The following EYA2 variants were observed in gnomAD, a reference collection of about 807,000 sequenced individuals.
EYA2 encodes protein phosphatase EYA2.
A neutral mutation model predicts 69.2 loss-of-function variants in EYA2; 31 were observed. The observed-to-expected ratio is 0.45, with a 90% CI of 0.34 to 0.60. The LOEUF (loss-of-function observed/expected upper bound fraction) is 0.60. EYA2 is among the 20% of genes least tolerant of loss of function. The pLI is 0.02. For missense variants in EYA2, 622 were observed against 701.2 expected, an observed-to-expected ratio of 0.89 and a Z score of 1.28; for synonymous variants, 257 against 279.4, an observed-to-expected ratio of 0.92 and a Z score of 0.80.
intron 1 of EYA2, among the ~76,000 whole-genome samples, chr20:46,964,903 G>A (rs771414023): frequency 5.3e-5 from 8 of 152,208 alleles, no homozygotes; most frequent in African/African-American, 1.9e-4. Flanking sequence ...GAGTACTCTC[G>A]TGAGGATTTA....
At chr20:46,948,106 T>C (rs1462947649) in intron 1 of EYA2, among the ~76,000 whole-genome samples, 2 of 35,540 alleles carry the variant, frequency 5.6e-5, no homozygotes, top group African/African-American at 1.1e-4. Context: ...TGAGACCTTG[T>C]CTCAAAAAAA....
At chr20:47,185,580 G>T (rs768072250) in intron 15 of EYA2, among the ~76,000 whole-genome samples, 14 of 152,120 alleles carry the variant, frequency 9.2e-5, no homozygotes, top group Non-Finnish European at 1.5e-4. Context: ...GGGATTAGAG[G>T]TGTGAGCCAC....
At position 47,135,833 on chromosome 20, in the gene EYA2, A is replaced by C. The variant is rs1267160055; in HGVS notation, c.889-7226A>C. Among the ~76,000 whole-genome samples, 5 of 82,816 alleles carry C rather than the reference A, an allele frequency of 6.0e-5. 1 individual carries two copies. Among genetic ancestry groups the C allele is most frequent in the Non-Finnish European group, 1.1e-4 (5 of 44,728 alleles). 54.3% of individuals were successfully genotyped at this position (82,816 alleles called of 152,430 possible). ...CCTGTCTCTACAAAAAAAAAAAAAA[A>C]AAAAAAAACAAACAAACAAACAAAA... On this transcript the variant is annotated intron_variant, in intron 9 of 15. Coordinates refer to ENST00000327619, the MANE Select transcript of EYA2 (RefSeq NM_005244.5).
intron 1 of EYA2, among the ~76,000 whole-genome samples, chr20:46,939,172 A>G (rs972829414): frequency 2.6e-5 from 4 of 152,190 alleles, no homozygotes; most frequent in African/African-American, 4.8e-5. Flanking sequence ...TGCCCTGGTG[A>G]CAGCGATTGG....
intron 10 of EYA2, among the ~76,000 whole-genome samples, chr20:47,153,877 C>T (rs1275461327): frequency 6.6e-6 from 1 of 152,020 alleles, no homozygotes; most frequent in African/African-American, 2.4e-5. Context: ...AGGTATTTAA[C>T]TTGGCTGACT....
intron 6 of EYA2, among the ~76,000 whole-genome samples, 194 bp from the exon 7 acceptor site, chr20:47,073,964 C>G (rs1020941280): frequency 6.6e-6 from 1 of 152,106 alleles, no homozygotes; most frequent in Non-Finnish European, 1.5e-5. Context: ...CTGGTGTCTC[C>G]TTCACCTTCC....
intron 1 of EYA2, among the ~76,000 whole-genome samples, chr20:46,911,893 C>G (rs1984661219): frequency 7.3e-6 from 1 of 137,782 alleles, no homozygotes; most frequent in Non-Finnish European, 1.7e-5. Flanking sequence ...TGACTGTAGT[C>G]AACAATATGT....
At chr20:47,032,376 T>G (rs930735222) in intron 5 of EYA2, among the ~76,000 whole-genome samples, 4 of 152,220 alleles carry the variant, frequency 2.6e-5, no homozygotes, top group African/African-American at 9.6e-5. Context: ...TCCACCTGCC[T>G]TCTTACACTG....
chr20:46,967,927 C>T (rs903716165), intron 1 of EYA2, among the ~76,000 whole-genome samples: 1 of 152,172 alleles, frequency 6.6e-6, no homozygotes, highest in Non-Finnish European at 1.5e-5. Flanking sequence ...AACAGAAGCT[C>T]GATCTTATCT....
chr20:47,118,784 A>G (rs2146553922), intron 9 of EYA2, among the ~76,000 whole-genome samples: 1 of 152,284 alleles, frequency 6.6e-6, no homozygotes, highest in Non-Finnish European at 1.5e-5. Context: ...GAGCGAGTTA[A>G]GTCTCCTGAC....
chr20:47,050,486 G>A (rs2030277106), intron 5 of EYA2, among the ~76,000 whole-genome samples: 1 of 152,194 alleles, frequency 6.6e-6, no homozygotes, highest in Non-Finnish European at 1.5e-5. Context: ...GGGGACTTTG[G>A]AAATAATTCA....
rs868591481 is a variant in EYA2, at chr20:47,156,173, T to C, written c.979-12966T>C. 9.5e-4 allele frequency among the ~76,000 whole-genome samples: 77 copies of C among 81,302 alleles called. 4 individuals carry two copies. Among genetic ancestry groups the C allele is most frequent in the Middle Eastern group, 0.011 (2 of 188 alleles). The allele number at this position is 81,302 out of a possible 152,430, so 53.3% of individuals were successfully genotyped here. A position where few individuals can be genotyped will look rare whatever the true frequency, so the allele number is the denominator to read the frequency against. ...ATATATATATATATATATATATATA[T>C]ATATATATATATTAGCCGGGCATGG... is the stretch of plus-strand genomic sequence containing the variant. On this transcript the variant is annotated intron_variant, in intron 10 of 15. Transcript: ENST00000327619.
At chr20:47,162,066 A>C (rs920902454) in intron 10 of EYA2, among the ~76,000 whole-genome samples, 13 of 152,108 alleles carry the variant, frequency 8.5e-5, no homozygotes, top group Admixed American at 8.5e-4. Context: ...GTGGTCTCGG[A>C]TGTCCTCTGA....
chr20:47,036,426 G>T (rs185417550), intron 5 of EYA2, among the ~76,000 whole-genome samples: 2 of 152,304 alleles, frequency 1.3e-5, no homozygotes, highest in East Asian at 3.9e-4. Context: ...AGGAATGGTC[G>T]TTTCCAATCA....
chr20:47,181,566 T>C (rs777366133), intron 14 of EYA2, among the ~76,000 whole-genome samples: 4 of 152,148 alleles, frequency 2.6e-5, no homozygotes, highest in African/African-American at 7.2e-5. Context: ...TGGAATGCAG[T>C]GGCGAGATCA....
chr20:46,907,109 A>G (rs1316928573), intron 1 of EYA2, among the ~76,000 whole-genome samples: 2 of 152,220 alleles, frequency 1.3e-5, no homozygotes, highest in East Asian at 3.8e-4. Context: ...AAATGCATTG[A>G]AGACCACGAG....
intron 12 of EYA2, among the ~76,000 whole-genome samples, chr20:47,173,329 C>G (rs551679613): frequency 1.3e-5 from 2 of 151,784 alleles, no homozygotes; most frequent in Non-Finnish European, 2.9e-5. Context: ...ATTCCAGAAT[C>G]CCCCTGGAAT....
At chr20:47,169,001 A>C in intron 10 of EYA2, 138 bp from the exon 11 acceptor site, 1 of 722,660 alleles carries the variant, frequency 1.4e-6, no homozygotes, top group Non-Finnish European at 2.4e-6. Flanking sequence ...ATCCAAATCC[A>C]GACTAGAACC....
chr20:46,970,703 G>A (rs1003086963), intron 1 of EYA2, among the ~76,000 whole-genome samples: 1 of 152,130 alleles, frequency 6.6e-6, no homozygotes, highest in African/African-American at 2.4e-5. Flanking sequence ...AGAAGAAGCA[G>A]GCGGCTCCAT....
Sources: gnomAD v4.1 joint callset for allele counts (sites outside exome capture counted in the v4.1 genomes callset) on GRCh38, gnomAD v4.1.1 for gene constraint, MANE v1.5 for transcripts, NCBI Gene and HGNC (gene_info 2026-07-23, HGNC 2026-07-21) for gene names.